Variants in SYNE1 observed in about 807,000 individuals in gnomAD.
SYNE1 encodes the protein nesprin-1.
In SYNE1, 616 loss-of-function variants were observed where a neutral mutation model predicts 1,111.0. The ratio of observed to expected loss-of-function variants is 0.55; its 90% CI spans 0.52 to 0.59. The LOEUF is 0.59. Among genes scored for constraint, SYNE1 ranks in the 20% least tolerant of loss-of-function variants. The pLI, the probability that SYNE1 is intolerant of heterozygous loss-of-function variation, is 0.00. For synonymous variants in SYNE1, 3,855 were observed against 3,825.8 expected (o/e 1.01, Z -0.28); for missense variants, 10,006 against 10,417.0 (o/e 0.96, Z 1.72).
chr6:152,128,299 T>G (rs1021398085), intron 145 of SYNE1: 1 of 152,206 alleles, frequency 6.6e-6, no homozygotes, highest in Non-Finnish European at 1.5e-5. Flanking sequence ...TGCACAGATT[T>G]TTATGTTTCT....
chr6:152,381,470 A>G (rs2097414269), intron 55 of SYNE1, 108 bp from the exon 56 acceptor site: 1 of 1,095,718 alleles, frequency 9.1e-7, no homozygotes, highest in South Asian at 1.2e-5. Flanking sequence ...AGTTTTAACA[A>G]GTGTGCCACA....
chr6:152,176,014 ATTTT>A (rs3215782), intron 130 of SYNE1, among the ~76,000 whole-genome samples: 2 of 142,572 alleles, frequency 1.4e-5, no homozygotes, highest in Non-Finnish European at 3.1e-5. Context: ...AGATTTAGTA[ATTTT>A]TTTTTTTTTT....
intron 137 of SYNE1, chr6:152,145,338 C>G: frequency 1.3e-6 from 1 of 741,074 alleles, no homozygotes; most frequent in Admixed American, 2.2e-5. Flanking sequence ...ATTTAACCAG[C>G]TGTTTTTTCT....
chr6:152,164,266 C>A lies in SYNE1; in HGVS notation c.23687G>T (p.Ser7896Ile). 6.2e-7 allele frequency: 1 copy of A among 1,614,192 alleles called. No individual in the cohort carries two copies. Among genetic ancestry groups the A allele is most frequent in the Non-Finnish European group, 8.5e-7 (1 of 1,180,044 alleles). Residue 7896 changes from serine to isoleucine, a missense_variant, in exon 131 of 146, where the codon AGC becomes ATC. Ser to Ile is a moderately radical substitution (Grantham distance 142). Around this residue, in one of 7 missense-constraint regions of SYNE1, gnomAD observed 2,182 missense variants for 2,287.8 expected, o/e 0.95. Coordinates refer to ENST00000367255, the MANE Select transcript of SYNE1 (RefSeq NM_182961.4). ...AVQQLDKNMSSLRTWLAHIES... is the reference protein window; with the variant it reads ...AVQQLDKNMSILRTWLAHIES... ...GATGTGAGCGAGCCAGGTCCTCAGGCTGCTCATGTTCTTATCAAGCTGCTG... is the reference window on the plus strand; with the variant it reads ...GATGTGAGCGAGCCAGGTCCTCAGGATGCTCATGTTCTTATCAAGCTGCTG...
intron 14 of SYNE1, among the ~76,000 whole-genome samples, chr6:152,481,826 G>A (rs1019890162): frequency 6.6e-6 from 1 of 150,796 alleles, no homozygotes; most frequent in African/African-American, 2.5e-5. Flanking sequence ...TTACGGCATA[G>A]CTGCCCCCAC....
At chr6:152,247,855 AACACACACACACAC>A (rs10592346) in intron 105 of SYNE1, among the ~76,000 whole-genome samples, 3 of 89,850 alleles carry the variant, frequency 3.3e-5, no homozygotes, top group Non-Finnish European at 4.9e-5. Context: ...GGTGTTCTTT[AACACACACACACAC>A]ACACACACAC....
chr6:152,487,745 T>C (rs1025822883), intron 12 of SYNE1, among the ~76,000 whole-genome samples: 1 of 152,196 alleles, frequency 6.6e-6, no homozygotes, highest in South Asian at 2.1e-4. Flanking sequence ...CAACTCTTTG[T>C]TCTTGGTAGA....
chr6:152,390,490 A>G, intron 52 of SYNE1, 38 bp from the exon 53 acceptor site: 1 of 1,604,406 alleles, frequency 6.2e-7, no homozygotes, highest in Non-Finnish European at 8.5e-7. Flanking sequence ...GTAGGCATGT[A>G]AAAACCTTCT....
intron 98 of SYNE1, 97 bp downstream of exon 98, chr6:152,277,992 G>A (rs775695423): frequency 1.9e-5 from 26 of 1,339,510 alleles, no homozygotes; most frequent in Admixed American, 5.0e-5. Context: ...ACAAGTACGC[G>A]TCACCGCCAA....
chr6:152,465,305 G>T lies in SYNE1; in HGVS notation c.1885C>A (p.Leu629Ile). 6.2e-7 allele frequency: 1 copy of T among 1,613,636 alleles called. No homozygotes were observed. The highest frequency in any genetic ancestry group is 8.5e-7 in the Non-Finnish European group (1 of 1,179,746). ...GNTVASLQAW[L>I]EDAEKMLNQS... ...TTGAGCATTTTTTCAGCATCCTCTA[G>T]CCAGGCTTGCAGACTAGCCACTGTA... Residue 629 changes from leucine (L) to isoleucine (I), a missense_variant, in exon 18 of 146, where the codon CTA becomes ATA. Leu to Ile is a conservative substitution (Grantham distance 5). Coordinates refer to ENST00000367255, the MANE Select transcript of SYNE1 (RefSeq NM_182961.4).
Position 152,367,540 on chromosome 6 carries a change from T to C in SYNE1, c.9808-158A>G, listed in dbSNP as rs1041077356. The C allele has an allele frequency of 2.7e-5, 22 of 821,410 alleles. No homozygotes were observed. In the African/African-American group the frequency reaches 3.6e-4, roughly 13 times the overall value. The allele number at this position is 821,410 out of a possible 1,614,324, so 50.9% of individuals were successfully genotyped here. ...AATCTATGAGATATGTTAAAGATCT[T>C]TCTAAATCATAAAACTATTAGAATA... On this transcript the variant is annotated intron_variant, in intron 61 of 145. Transcript: ENST00000367255.
intron 57 of SYNE1, 29 bp downstream of exon 57, chr6:152,376,747 T>A: frequency 6.2e-7 from 1 of 1,612,928 alleles, no homozygotes. Flanking sequence ...TATAAAAATA[T>A]CTTGAACACC....
Position 152,453,621 on chromosome 6 carries a change from G to T in SYNE1, c.2992C>A (p.Gln998Lys). 6.2e-7 allele frequency: 1 copy of T among 1,614,180 alleles called. No homozygotes were observed. Among genetic ancestry groups the T allele is most frequent in the East Asian group, 2.2e-5 (1 of 44,870 alleles). Residue 998 changes from glutamine (Q) to lysine (K), a missense_variant, in exon 25 of 146, where the codon CAG (glutamine) becomes AAG (lysine). Around this residue, in one of 7 missense-constraint regions of SYNE1, gnomAD observed 1,971 missense variants for 2,084.1 expected, o/e 0.95. Transcript: ENST00000367255. Reference sequence around the variant, plus strand: ...TTGTGGAGCTTTCGAACAGCTTCCTGCAGCCCCTGCTGCTCCTGCTCTGGA... The same window carrying T: ...TTGTGGAGCTTTCGAACAGCTTCCTTCAGCCCCTGCTGCTCCTGCTCTGGA... ...ILPEQEQQGL[Q>K]EAVRKLHKQW...
rs1461127119 is a variant in SYNE1, at chr6:152,192,093, T to C, written c.23146-2686A>G. Reference sequence around the variant, plus strand: ...ACTATTGATTTCTAGTTTTATTCCATTATGATCAGAGAAGATACTTGATAA... The same window carrying C: ...ACTATTGATTTCTAGTTTTATTCCACTATGATCAGAGAAGATACTTGATAA... On this transcript the variant is annotated intron_variant, in intron 127 of 145. Coordinates refer to ENST00000367255, the MANE Select transcript of SYNE1 (RefSeq NM_182961.4). 2.0e-5 allele frequency among the ~76,000 whole-genome samples: 3 copies of C among 152,338 alleles called. No homozygotes were observed. The East Asian group carries it at 5.8e-4, about 29-fold the overall frequency.
At chr6:152,397,869 C>T (rs918887586) in intron 49 of SYNE1, among the ~76,000 whole-genome samples, 1 of 151,960 alleles carries the variant, frequency 6.6e-6, no homozygotes, top group African/African-American at 2.4e-5. Flanking sequence ...GGCATGGTGG[C>T]ACACACCTGT....
chr6:152,404,390 GCTAA>G, intron 45 of SYNE1, 76 bp from the exon 46 acceptor site: 1 of 1,188,692 alleles, frequency 8.4e-7, no homozygotes, highest in East Asian at 2.4e-5. Flanking sequence ...TTCAAGAAGA[GCTAA>G]CTTTGTCGAA....
At chr6:152,606,661 T>G (rs1423343921) in intron 3 of SYNE1, among the ~76,000 whole-genome samples, 1 of 152,126 alleles carries the variant, frequency 6.6e-6, no homozygotes, top group African/African-American at 2.4e-5. Flanking sequence ...GTTTGTTTGT[T>G]TTTTGAGACG....
At chr6:152,465,815 G>T (rs888487362) in intron 17 of SYNE1, among the ~76,000 whole-genome samples, 167 bp downstream of exon 17, 2 of 148,596 alleles carry the variant, frequency 1.3e-5, no homozygotes, top group Non-Finnish European at 3.0e-5. Context: ...TGCAGGTTAG[G>T]CATTGTACAA....
At chr6:152,144,005 A>G in intron 137 of SYNE1, 1 of 540,318 alleles carries the variant, frequency 1.9e-6, no homozygotes, top group Non-Finnish European at 3.3e-6. Context: ...ACGGCTCTCC[A>G]GTCCGTTTTG....
Sources: allele counts gnomAD v4.1 joint callset (sites outside exome capture counted in the v4.1 genomes callset), GRCh38; gene constraint gnomAD v4.1.1; regional missense constraint gnomAD v4.1.1; transcripts MANE v1.5; gene names NCBI Gene and HGNC (gene_info 2026-07-23, HGNC 2026-07-21).